PTPRT: variants seen among roughly 807,000 people sequenced by gnomAD.
PTPRT encodes receptor-type tyrosine-protein phosphatase T.
A neutral mutation model predicts 176.8 loss-of-function variants in PTPRT; 56 were observed. The ratio of observed to expected loss-of-function variants is 0.32; its 90% CI spans 0.26 to 0.40. The LOEUF (loss-of-function observed/expected upper bound fraction) is 0.40. PTPRT is among the 10% of genes least tolerant of loss of function. The probability of loss-of-function intolerance (pLI) is 1.00; values close to 1 mark genes in which losing one functional copy is unlikely to be tolerated. For synonymous variants in PTPRT, 783 were observed against 739.0 expected, an observed-to-expected ratio of 1.06 and a Z score of -0.96; for missense variants, 1,540 against 1,908.2, an observed-to-expected ratio of 0.81 and a Z score of 3.60.
Position 42,752,830 on chromosome 20 carries a change from G to A in PTPRT, c.859+3632C>T, listed in dbSNP as rs73907258. 9.9e-3 allele frequency among the ~76,000 whole-genome samples: 1,502 copies of A among 152,194 alleles called. 26 individuals are homozygous for A. Among genetic ancestry groups the A allele is most frequent in the African/African-American group, 0.034 (1,421 of 41,504 alleles). Reference sequence around the variant, plus strand: ...CTTCATCACACAGTTTCTTCCAAACGCTTGGGTTTGCTGCCTTCAAATGGG... The same window carrying A: ...CTTCATCACACAGTTTCTTCCAAACACTTGGGTTTGCTGCCTTCAAATGGG... On this transcript the variant is annotated intron_variant, in intron 6 of 30. Coordinates refer to ENST00000373187, the MANE Select transcript of PTPRT (RefSeq NM_007050.6).
At chr20:42,257,113 T>C (rs373306997) in intron 13 of PTPRT, among the ~76,000 whole-genome samples, 5 of 152,312 alleles carry the variant, frequency 3.3e-5, no homozygotes, top group East Asian at 3.9e-4. Context: ...AGGACAAGCA[T>C]GGGCTTCTTA....
At chr20:42,051,855 G>GT in the PTPRT span, among the ~76,000 whole-genome samples, 2 of 152,194 alleles carry the variant, frequency 1.3e-5, no homozygotes, top group Non-Finnish European at 2.9e-5. Flanking sequence ...TGTGTCTTCT[G>GT]TTTTTGAGCG....
intron 6 of PTPRT, chr20:42,687,778 G>A (rs935592171): frequency 1.3e-5 from 2 of 152,158 alleles, no homozygotes. Flanking sequence ...ATCCAGTTTG[G>A]ATCTTAAGAG....
chr20:42,116,142 A>G, intron 21 of PTPRT: 1 of 714,400 alleles, frequency 1.4e-6, no homozygotes, highest in Non-Finnish European at 2.6e-6. Flanking sequence ...AAACAAACAA[A>G]AAAAGGTTTT....
At chr20:42,965,353 T>C (rs1982233395) in intron 1 of PTPRT, among the ~76,000 whole-genome samples, 1 of 152,196 alleles carries the variant, frequency 6.6e-6, no homozygotes, top group Admixed American at 6.5e-5. Flanking sequence ...AATAAGATAC[T>C]ATTATACAGT....
At chr20:42,184,601 T>C (rs867042900) in intron 16 of PTPRT, among the ~76,000 whole-genome samples, 4 of 138,826 alleles carry the variant, frequency 2.9e-5, no homozygotes, top group South Asian at 4.7e-4. Context: ...CTTCCTCTTC[T>C]TCTTCTTCTT....
intron 2 of PTPRT, among the ~76,000 whole-genome samples, chr20:42,873,435 G>A (rs956986057): frequency 3.9e-5 from 6 of 152,182 alleles, no homozygotes; most frequent in Non-Finnish European, 7.3e-5. Context: ...TTCTCAAAGA[G>A]AGATATCCCT....
At chr20:42,211,641 G>C (rs1372432698) in intron 15 of PTPRT, among the ~76,000 whole-genome samples, 1 of 147,818 alleles carries the variant, frequency 6.8e-6, no homozygotes, top group African/African-American at 2.5e-5. Context: ...AAAAAGTCAG[G>C]AAACAACAGG....
chr20:43,152,234 T>C (rs983465117), intron 1 of PTPRT, among the ~76,000 whole-genome samples: 4 of 152,200 alleles, frequency 2.6e-5, no homozygotes, highest in Non-Finnish European at 5.9e-5. Flanking sequence ...GAAGGAAATA[T>C]GCCAGAATAT....
chr20:42,434,788 C>T (rs978233771), intron 9 of PTPRT, among the ~76,000 whole-genome samples: 3 of 143,632 alleles, frequency 2.1e-5, no homozygotes, highest in Admixed American at 1.5e-4. Flanking sequence ...AAGGTGAAAC[C>T]CCGTCTCTAT....
At chr20:42,745,616 G>A (rs2145358966) in intron 6 of PTPRT, among the ~76,000 whole-genome samples, 1 of 152,346 alleles carries the variant, frequency 6.6e-6, no homozygotes, top group South Asian at 2.1e-4. Context: ...CCAGTGACTG[G>A]ACAAAGGCAA....
At chr20:42,045,047 G>A in the PTPRT span, among the ~76,000 whole-genome samples, 1 of 152,166 alleles carries the variant, frequency 6.6e-6, no homozygotes, top group Non-Finnish European at 1.5e-5. Context: ...TCTGTTTGAA[G>A]ATGCTTTTGA....
chr20:42,128,821 G>C lies in PTPRT; in HGVS notation c.2780C>G (p.Ser927Cys), dbSNP rs866132388. 2 of 1,606,842 alleles carry C rather than the reference G, an allele frequency of 1.2e-6. No homozygotes were observed. Among genetic ancestry groups the C allele is most frequent in the Admixed American group, 1.7e-5 (1 of 59,440 alleles). The change falls in exon 19 of 31, where the codon TCC becomes TGC. Residue 927 changes from serine (S) to cysteine (C), a missense_variant. Ser to Cys is a moderately radical substitution (Grantham distance 112). Around this residue, in one of 11 missense-constraint regions of PTPRT, gnomAD observed 248 missense variants for 356.7 expected, o/e 0.70. Coordinates refer to ENST00000373187, the MANE Select transcript of PTPRT (RefSeq NM_007050.6). ...ATCCAGCACCAGCAGCCTCACCCGG[G>C]AATGGTCGTCTGCAGAGAGAGCAGA... Reference protein sequence around the residue: ...RYGNIISYDHSRVRLLVLDGD... With the variant: ...RYGNIISYDHCRVRLLVLDGD...
chr20:42,913,146 C>T (rs1978509478), intron 1 of PTPRT, among the ~76,000 whole-genome samples: 1 of 152,174 alleles, frequency 6.6e-6, no homozygotes, highest in South Asian at 2.1e-4. Context: ...GTACCTTACA[C>T]AGAATGAACA....
chr20:42,457,337 T>C (rs1000406669), intron 8 of PTPRT, among the ~76,000 whole-genome samples: 1 of 152,214 alleles, frequency 6.6e-6, no homozygotes, highest in Admixed American at 6.5e-5. Flanking sequence ...TCCATGAATA[T>C]GTTCTATCCC....
intron 1 of PTPRT, among the ~76,000 whole-genome samples, chr20:43,161,156 G>T (rs2014684445): frequency 6.6e-6 from 1 of 152,188 alleles, no homozygotes; most frequent in Non-Finnish European, 1.5e-5. Context: ...TTTTCCTGGA[G>T]CAGAGCCATT....
chr20:42,576,702 AG>A (rs2073268274), intron 7 of PTPRT, among the ~76,000 whole-genome samples: 1 of 152,224 alleles, frequency 6.6e-6, no homozygotes, highest in African/African-American at 2.4e-5. Context: ...AGGTGGACTA[AG>A]GTTTAGAAAG....
rs890619328 is a variant in PTPRT, at chr20:42,308,736, T to C, written c.2139+6987A>G. 5.3e-5 allele frequency among the ~76,000 whole-genome samples: 8 copies of C among 152,204 alleles called. No homozygotes were observed. The East Asian group carries it at 1.5e-3, about 29-fold the overall frequency. On this transcript the variant is annotated intron_variant, in intron 12 of 30. Transcript: ENST00000373187. ...CAGCCAAAATTCAAAGCCAAGTCTG[T>C]CTGATGCTCAACTCTCAGTTCTTTC...
chr20:42,622,898 G>A (rs182897296), intron 7 of PTPRT, among the ~76,000 whole-genome samples: 2 of 152,262 alleles, frequency 1.3e-5, no homozygotes, highest in Admixed American at 1.3e-4. Flanking sequence ...GTGAGAACAG[G>A]CATTCCTGTT....
Sources: gnomAD v4.1 joint callset for allele counts (sites outside exome capture counted in the v4.1 genomes callset) on GRCh38, gnomAD v4.1.1 for gene constraint, gnomAD v4.1.1 regional missense constraint, MANE v1.5 for transcripts, NCBI Gene and HGNC (gene_info 2026-07-23, HGNC 2026-07-21) for gene names.